ITPRIP: variants seen among roughly 807,000 people sequenced by gnomAD.
ITPRIP encodes inositol 1,4,5-trisphosphate receptor interacting protein.
A neutral mutation model predicts 35.8 loss-of-function variants in ITPRIP; 32 were observed. The observed-to-expected ratio is 0.89, with a 90% CI of 0.68 to 1.20. The LOEUF (loss-of-function observed/expected upper bound fraction) is 1.20. Ranked by LOEUF, ITPRIP falls within the 50% of genes most tolerant of loss-of-function variation. The pLI is 0.00. For synonymous variants in ITPRIP, 358 were observed against 324.0 expected (o/e 1.11, Z -1.13); for missense variants, 653 against 735.6 (o/e 0.89, Z 1.30).
At chr10:104,336,597 TGATCCCAAC>T (rs2014241829) in intron 1 of ITPRIP, among the ~76,000 whole-genome samples, 1 of 58,322 alleles carries the variant, frequency 1.7e-5, no homozygotes, top group Non-Finnish European at 3.1e-5. Context: ...TCCAACCAAG[TGATCCCAAC>T]CAAGTGATCC....
intron 1 of ITPRIP, among the ~76,000 whole-genome samples, chr10:104,337,050 G>A (rs1386140544): frequency 6.6e-6 from 1 of 152,186 alleles, no homozygotes; most frequent in Non-Finnish European, 1.5e-5. Context: ...CAGGGAATTA[G>A]CAAACAATGA....
rs2013506886 is a variant in ITPRIP at position 104,312,266 on chromosome 10, GTC to G, written c.*2140_*2141del. ...TCCCGTTTCCCCACCGAGTTCTGTT[GTC>G]TCTGTACACACAAGAAGCCAGAAGA... is the stretch of plus-strand genomic sequence containing the variant. On this transcript the variant is annotated 3_prime_UTR_variant, in exon 2 of 2. Transcript: ENST00000337478. The G allele has an allele frequency of 6.6e-6, 1 of 152,546 alleles. No individual in the cohort carries two copies. The highest frequency in any genetic ancestry group is 2.4e-5 in the African/African-American group (1 of 41,426). The allele number at this position is 152,546 out of a possible 1,614,324, so 9.4% of individuals were successfully genotyped here. A position where few individuals can be genotyped will look rare whatever the true frequency, so the allele number is the denominator to read the frequency against.
intron 1 of ITPRIP, among the ~76,000 whole-genome samples, chr10:104,316,570 G>T (rs2013697317): frequency 6.6e-6 from 1 of 152,234 alleles, no homozygotes; most frequent in Admixed American, 6.5e-5. Flanking sequence ...TGAGGGAACA[G>T]GATTATACCT....
chr10:104,317,777 T>C (rs1203244086), intron 1 of ITPRIP, among the ~76,000 whole-genome samples: 1 of 152,222 alleles, frequency 6.6e-6, no homozygotes, highest in Non-Finnish European at 1.5e-5. Flanking sequence ...ATTCTTGTCC[T>C]AATGGTGCCA....
At chr10:104,320,464 T>TC (rs2013815365) in intron 1 of ITPRIP, among the ~76,000 whole-genome samples, 1 of 152,000 alleles carries the variant, frequency 6.6e-6, no homozygotes, top group Non-Finnish European at 1.5e-5. Flanking sequence ...TGCCCTCACT[T>TC]CAAGTTGTCC....
chr10:104,331,221 C>G (rs925092703), intron 1 of ITPRIP, among the ~76,000 whole-genome samples: 1 of 152,200 alleles, frequency 6.6e-6, no homozygotes, highest in Non-Finnish European at 1.5e-5. Flanking sequence ...TTTGGGGCAG[C>G]ACACAGGGGT....
Position 104,314,455 on chromosome 10 carries a change from C to T in ITPRIP, c.1597G>A (p.Glu533Lys), listed in dbSNP as rs140753575. The change falls in exon 2 of 2, where the codon GAG becomes AAG. Residue 533 changes from glutamate (E) to lysine (K), a missense_variant. Coordinates refer to ENST00000337478, the MANE Select transcript of ITPRIP (RefSeq NM_001272013.2). ...TCTGAGGGGACATGTAGGGAATACT[C>T]GCTAATGAGCGCTGGGGCATTCTTG... ...MLKNAPALIS[E>K]YSLHVPSDQP... is the part of the protein sequence containing the mutation. The T allele has an allele frequency of 1.4e-4, 234 of 1,613,990 alleles. No homozygotes were observed. The Admixed American group carries it at 3.4e-3, about 23-fold the overall frequency.
rs1042521044 is a variant in ITPRIP, at chr10:104,310,825, A to G, written c.*3583T>C. 6.6e-6 allele frequency: 1 copy of G among 152,094 alleles called. No individual in the cohort carries two copies. Among genetic ancestry groups the G allele is most frequent in the Non-Finnish European group, 1.5e-5 (1 of 68,022 alleles). 9.4% of individuals were successfully genotyped at this position (152,094 alleles called of 1,614,324 possible). On this transcript the variant is annotated 3_prime_UTR_variant, in exon 2 of 2. Coordinates refer to ENST00000337478, the MANE Select transcript of ITPRIP (RefSeq NM_001272013.2). ...GAGGCCTTCCCTAATCAGCCCAGGT[A>G]CCAGTGGTTCTTGGACATCCAGAAT... is the stretch of plus-strand genomic sequence containing the variant.
intron 1 of ITPRIP, among the ~76,000 whole-genome samples, chr10:104,325,272 G>C (rs2013967592): frequency 6.6e-6 from 1 of 151,786 alleles, no homozygotes; most frequent in African/African-American, 2.4e-5. Flanking sequence ...AGAGCCTGTG[G>C]GCTCTGGTCT....
intron 1 of ITPRIP, among the ~76,000 whole-genome samples, chr10:104,330,993 C>A (rs935043190): frequency 6.6e-6 from 1 of 152,200 alleles, no homozygotes; most frequent in Non-Finnish European, 1.5e-5. Flanking sequence ...GGGTAGGTGA[C>A]AATCTAGATG....
chr10:104,321,711 T>C (rs2013851439), intron 1 of ITPRIP, among the ~76,000 whole-genome samples: 1 of 151,236 alleles, frequency 6.6e-6, no homozygotes, highest in African/African-American at 2.4e-5. Context: ...TTCTTTTTTT[T>C]TTTTTTTTTT....
At chr10:104,318,981 C>T (rs887080014) in intron 1 of ITPRIP, among the ~76,000 whole-genome samples, 1 of 152,248 alleles carries the variant, frequency 6.6e-6, no homozygotes, top group African/African-American at 2.4e-5. Flanking sequence ...GACGCCCCTA[C>T]AAGGAACTCT....
chr10:104,333,635 C>T lies in ITPRIP; in HGVS notation c.-14+4611G>A, dbSNP rs1449947593. 1 of 152,378 alleles carries T rather than the reference C, an allele frequency of 6.6e-6. No individual in the cohort carries two copies. The highest frequency in any genetic ancestry group is 1.5e-5 in the Non-Finnish European group (1 of 68,168). The allele number at this position is 152,378 out of a possible 1,614,324, so 9.4% of individuals were successfully genotyped here. A position where few individuals can be genotyped will look rare whatever the true frequency, so the allele number is the denominator to read the frequency against. ...CCAGAAGAGCTCCTTACCCTTCCTT[C>T]CTCTCTGGATGCCTGTTAGAGCTCA... On this transcript the variant is annotated intron_variant, in intron 1 of 1. Transcript: ENST00000337478. This position sits in a 1 kb window ranked among gnomAD's most constrained non-coding sequence, Gnocchi z 4.1.
At chr10:104,330,648 A>G (rs1229798279) in intron 1 of ITPRIP, among the ~76,000 whole-genome samples, 4 of 152,232 alleles carry the variant, frequency 2.6e-5, no homozygotes, top group Non-Finnish European at 5.9e-5. Context: ...GACAAGCCTC[A>G]GGGCCCTGAC....
rs751896170 is a variant in ITPRIP, at chr10:104,316,003, T to C, written c.49A>G (p.Ile17Val). ...CGCGGGAACAGCAGCGGGTGGTTGA[T>C]GATGGCCGTCACCACCACCAGACAC... ...RVCLVVVTAIINHPLLFPREN... is the reference protein window; with the variant it reads ...RVCLVVVTAIVNHPLLFPREN... Residue 17 changes from isoleucine (I) to valine (V), a missense_variant, in exon 2 of 2, where the codon ATC becomes GTC. Ile to Val is a conservative substitution (Grantham distance 29, BLOSUM62 3). Coordinates refer to ENST00000337478, the MANE Select transcript of ITPRIP (RefSeq NM_001272013.2). 2.5e-6 allele frequency: 4 copies of C among 1,609,046 alleles called. No individual in the cohort carries two copies. Among genetic ancestry groups the C allele is most frequent in the Non-Finnish European group, 3.4e-6 (4 of 1,178,004 alleles).
chr10:104,333,684 T>G lies in ITPRIP; in HGVS notation c.-14+4562A>C, dbSNP rs2014192555. The G allele has an allele frequency of 6.6e-6, 1 of 152,334 alleles. No individual in the cohort carries two copies. Among genetic ancestry groups the G allele is most frequent in the Non-Finnish European group, 1.5e-5 (1 of 68,152 alleles). 9.4% of individuals were successfully genotyped at this position (152,334 alleles called of 1,614,324 possible). A position where few individuals can be genotyped will look rare whatever the true frequency, so the allele number is the denominator to read the frequency against. On this transcript the variant is annotated intron_variant, in intron 1 of 1. Transcript: ENST00000337478. This position sits in a 1 kb window ranked among gnomAD's most constrained non-coding sequence, Gnocchi z 4.1. ...CAGGCCTCAAATCTGACTTTCCCTC[T>G]GCCAGAGTCAGCCAAAAGATCAGGA...
rs776403182 is a variant in ITPRIP, at chr10:104,326,705, G to A, written c.-13-10641C>T. The A allele has an allele frequency of 2.0e-5, 3 of 152,310 alleles. No individual in the cohort carries two copies. Among genetic ancestry groups the A allele is most frequent in the Middle Eastern group, 3.4e-3 (1 of 294 alleles). 9.4% of individuals were successfully genotyped at this position (152,310 alleles called of 1,614,324 possible). ...GCCCCTATGAATGGGACCTAAAAGG[G>A]TCTTTGCAGATGTGATTAAATTAAA... On this transcript the variant is annotated intron_variant, in intron 1 of 1. Coordinates refer to ENST00000337478, the MANE Select transcript of ITPRIP (RefSeq NM_001272013.2). This position sits in a 1 kb window ranked among gnomAD's most constrained non-coding sequence, Gnocchi z 4.8.
At position 104,328,017 on chromosome 10, in the gene ITPRIP, T is replaced by TGC. The variant is rs1224946223; in HGVS notation, c.-14+10227_-14+10228dup. On this transcript the variant is annotated intron_variant, in intron 1 of 1. Transcript: ENST00000337478. This position sits in a 1 kb window ranked among gnomAD's most constrained non-coding sequence, Gnocchi z 4.1. ...TTCCCCAGAGCAACTGGCATAGACC[T>TGC]GCGCTCCGTGCTAAGGACACACACT... is the stretch of plus-strand genomic sequence containing the variant. 6.6e-6 allele frequency among the ~76,000 whole-genome samples: 1 copy of TGC among 152,192 alleles called. No individual in the cohort carries two copies.
At chr10:104,337,248 A>G (rs1370731333) in intron 1 of ITPRIP, among the ~76,000 whole-genome samples, 1 of 152,216 alleles carries the variant, frequency 6.6e-6, no homozygotes, top group Non-Finnish European at 1.5e-5. Context: ...AAAAGGCAAG[A>G]GCACTGGGTC....
Sources: allele counts gnomAD v4.1 joint callset (sites outside exome capture counted in the v4.1 genomes callset), GRCh38; gene constraint gnomAD v4.1.1; non-coding constraint Gnocchi (gnomAD v3.1); transcripts MANE v1.5; gene names NCBI Gene and HGNC (gene_info 2026-07-23, HGNC 2026-07-21).